NTSR1: variants seen among roughly 807,000 people sequenced by gnomAD.
The protein encoded by NTSR1 is neurotensin receptor 1.
Under a neutral mutation model 31.2 loss-of-function variants are expected in NTSR1, and 29 were observed. The observed-to-expected ratio is 0.93, with a 90% CI of 0.69 to 1.27. The LOEUF is 1.27. Ranked by LOEUF, NTSR1 falls within the 50% of genes most tolerant of loss-of-function variation. The pLI is 0.00. For missense variants in NTSR1, 697 were observed against 595.4 expected (o/e 1.17, Z -1.78); for synonymous variants, 282 against 269.9 (o/e 1.04, Z -0.44).
intron 2 of NTSR1, 57 bp downstream of exon 2, chr20:62,754,943 G>A (rs1989459314): frequency 2.0e-6 from 3 of 1,479,236 alleles, no homozygotes; most frequent in Non-Finnish European, 2.7e-6. Flanking sequence ...AGCAAAGGCA[G>A]CGAGCGCTGA....
chr20:62,710,898 G>C (rs955874071), intron 1 of NTSR1, among the ~76,000 whole-genome samples: 2 of 152,184 alleles, frequency 1.3e-5, no homozygotes, highest in African/African-American at 4.8e-5. Flanking sequence ...AAGCCAGAGG[G>C]TGAAGGATCC....
rs1233661060 is a variant in NTSR1 at position 62,744,050 on chromosome 20, C to A, written c.715-10635C>A. 6.6e-6 allele frequency among the ~76,000 whole-genome samples: 1 copy of A among 152,172 alleles called. No homozygotes were observed. The highest frequency in any genetic ancestry group is 1.9e-4 in the East Asian group (1 of 5,184). The stretch of plus-strand genomic sequence containing the variant: ...ATCTAACCTTTCACTCCACCTCCGT[C>A]CTCCCCATCAAAATTACACATGCGA... On this transcript the variant is annotated intron_variant, in intron 1 of 3. Transcript: ENST00000370501. The surrounding 1 kb of genome is among the most constrained non-coding windows in gnomAD (Gnocchi z 4.1).
rs1259362174 is a variant in NTSR1 at position 62,708,860 on chromosome 20, G to T, written c.-348G>T. ...CACAAGCTCGCCCCGCGCAGCCCGA[G>T]CCGGGCTGGGCGCTGTCCTCGGGGG... On this transcript the variant is annotated 5_prime_UTR_variant, in exon 1 of 4. Coordinates refer to ENST00000370501, the MANE Select transcript of NTSR1 (RefSeq NM_002531.3). The surrounding 1 kb of genome is among the most constrained non-coding windows in gnomAD (Gnocchi z 5.9). The T allele has an allele frequency of 7.8e-6, 2 of 254,920 alleles. No individual in the cohort carries two copies. Among genetic ancestry groups the T allele is most frequent in the Non-Finnish European group, 1.5e-5 (2 of 135,584 alleles). The allele number at this position is 254,920 out of a possible 1,614,324, so 15.8% of individuals were successfully genotyped here.
chr20:62,710,547 G>C (rs1432876886), intron 1 of NTSR1, among the ~76,000 whole-genome samples: 1 of 152,222 alleles, frequency 6.6e-6, no homozygotes, highest in East Asian at 1.9e-4. Context: ...TTGCGGGATG[G>C]TGGGGACGAT....
intron 3 of NTSR1, among the ~76,000 whole-genome samples, chr20:62,759,129 A>G (rs1230754776): frequency 6.6e-6 from 1 of 152,196 alleles, no homozygotes; most frequent in Non-Finnish European, 1.5e-5. Context: ...ATCCCAGAAT[A>G]AAAGGTTCCT....
chr20:62,729,893 G>A (rs1007980860), intron 1 of NTSR1, among the ~76,000 whole-genome samples: 2 of 152,106 alleles, frequency 1.3e-5, no homozygotes, highest in African/African-American at 4.8e-5. Context: ...AAAGTGCTGG[G>A]ATGACAGGCC....
rs561283174 is a variant in NTSR1 at position 62,758,093 on chromosome 20, G to C, written c.917-173G>C. Among the ~76,000 whole-genome samples the C allele has an allele frequency of 4.7e-4, 69 of 147,364 alleles. 3 individuals are homozygous for C. Among genetic ancestry groups the C allele is most frequent in the African/African-American group, 1.7e-3 (65 of 39,304 alleles). On this transcript the variant is annotated intron_variant, in intron 2 of 3. Coordinates refer to ENST00000370501, the MANE Select transcript of NTSR1 (RefSeq NM_002531.3). The surrounding 1 kb of genome is among the most constrained non-coding windows in gnomAD (Gnocchi z 4.5). ...TGCCTCAGGTGCAGTGGGTCTCTGA[G>C]CCCATGTCTCTGTGCCTCAGGTGCA...
At chr20:62,721,516 G>T (rs1210330789) in intron 1 of NTSR1, among the ~76,000 whole-genome samples, 1 of 152,210 alleles carries the variant, frequency 6.6e-6, no homozygotes, top group Non-Finnish European at 1.5e-5. Context: ...GTCTGTCCGT[G>T]GTGGTTCCAA....
rs1440206007 is a variant in NTSR1 at position 62,711,586 on chromosome 20, C to A, written c.714+1665C>A. On this transcript the variant is annotated intron_variant, in intron 1 of 3. Transcript: ENST00000370501. This position sits in a 1 kb window ranked among gnomAD's most constrained non-coding sequence, Gnocchi z 6.4. ...AGACCCCCGATCCCCCCGCTCAGATCCCCGATCCCCCCGCTCAGAACCCCG... is the reference window on the plus strand; with the variant it reads ...AGACCCCCGATCCCCCCGCTCAGATACCCGATCCCCCCGCTCAGAACCCCG... Among the ~76,000 whole-genome samples, 7 of 129,722 alleles carry A rather than the reference C, an allele frequency of 5.4e-5. No individual in the cohort carries two copies. Among genetic ancestry groups the A allele is most frequent in the Admixed American group, 4.9e-4 (6 of 12,280 alleles). The allele number at this position is 129,722 out of a possible 152,430, so 85.1% of individuals were successfully genotyped here.
intron 2 of NTSR1, among the ~76,000 whole-genome samples, chr20:62,756,331 G>A (rs1168885879): frequency 7.9e-5 from 12 of 152,226 alleles, no homozygotes; most frequent in Non-Finnish European, 1.5e-5. Flanking sequence ...CCCTGTGGTG[G>A]GAGGTGCTTG....
In NTSR1 at chr20:62,760,770, C is replaced by CCGTG. The variant is rs1989607836; in HGVS notation, c.*504_*505insGTGC. 1 of 153,914 alleles carries CCGTG rather than the reference C, an allele frequency of 6.5e-6. No homozygotes were observed. The highest frequency in any genetic ancestry group is 2.4e-5 in the African/African-American group (1 of 41,448). 9.5% of individuals were successfully genotyped at this position (153,914 alleles called of 1,614,324 possible). A position where few individuals can be genotyped will look rare whatever the true frequency, so the allele number is the denominator to read the frequency against. On this transcript the variant is annotated 3_prime_UTR_variant, in exon 4 of 4. Transcript: ENST00000370501. ...CTTTGGGCCTCACGTGCAGACCCTG[C>CCGTG]CATGCAGACCCATGCCCCCCTCCCC...
rs1168572890 is a variant in NTSR1 at position 62,709,392 on chromosome 20, C to G, written c.185C>G (p.Ser62Cys). 2 of 1,609,290 alleles carry G rather than the reference C, an allele frequency of 1.2e-6. No homozygotes were observed. The highest frequency in any genetic ancestry group is 2.2e-5 in the East Asian group (1 of 44,746). Residue 62 changes from serine to cysteine, a missense_variant, in exon 1 of 4, where the codon TCC (serine) becomes TGC (cysteine). Transcript: ENST00000370501. ...CTGGACGTGAACACCGACATCTACT[C>G]CAAGGTGCTGGTGACCGCCGTGTAC... ...SELDVNTDIY[S>C]KVLVTAVYLA...
rs541689258 is a variant in NTSR1, at chr20:62,746,909, T to C, written c.715-7776T>C. On this transcript the variant is annotated intron_variant, in intron 1 of 3. Transcript: ENST00000370501. ...TGAAGAGGAAGGAACACTTTCTAAC[T>C]CATCTTACAAGGTCAGCATTACCCT... is the stretch of plus-strand genomic sequence containing the variant. Among the ~76,000 whole-genome samples, 25 of 152,310 alleles carry C rather than the reference T, an allele frequency of 1.6e-4. No homozygotes were observed. In the South Asian group the frequency reaches 4.3e-3, roughly 26 times the overall value.
At chr20:62,710,022 G>C in intron 1 of NTSR1, 101 bp downstream of exon 1, 1 of 1,024,022 alleles carries the variant, frequency 9.8e-7, no homozygotes. Context: ...ATGTCACAGA[G>C]ACAGTCTACT....
At chr20:62,747,047 G>A (rs1271887729) in intron 1 of NTSR1, among the ~76,000 whole-genome samples, 1 of 152,220 alleles carries the variant, frequency 6.6e-6, no homozygotes, top group African/African-American at 2.4e-5. Context: ...TCCACCATGA[G>A]CAGGTGGGAT....
In NTSR1 at chr20:62,743,795, TCTCGAA is replaced by T. The variant is rs1309303594; in HGVS notation, c.715-10889_715-10884del. ...GGCAGAATACAAAACAAGCAATTGCTCTCGAAGAGCGAGGTGAGAACGCCCTGCCTG... is the reference window on the plus strand; with the variant it reads ...GGCAGAATACAAAACAAGCAATTGCTGAGCGAGGTGAGAACGCCCTGCCTG... On this transcript the variant is annotated intron_variant, in intron 1 of 3. Coordinates refer to ENST00000370501, the MANE Select transcript of NTSR1 (RefSeq NM_002531.3). The surrounding 1 kb of genome is among the most constrained non-coding windows in gnomAD (Gnocchi z 7.5). Among the ~76,000 whole-genome samples the T allele has an allele frequency of 6.8e-4, 103 of 152,264 alleles. 1 individual carries two copies. Among genetic ancestry groups the T allele is most frequent in the African/African-American group, 1.6e-3 (66 of 41,546 alleles).
At chr20:62,739,859 G>A (rs987023718) in intron 1 of NTSR1, among the ~76,000 whole-genome samples, 5 of 152,270 alleles carry the variant, frequency 3.3e-5, no homozygotes, top group Non-Finnish European at 7.3e-5. Flanking sequence ...CAGGCCGGCG[G>A]GGTGCGGGAC....
Position 62,742,940 on chromosome 20 carries a change from AC to A in NTSR1, c.715-11742del, listed in dbSNP as rs1055324903. On this transcript the variant is annotated intron_variant, in intron 1 of 3. Coordinates refer to ENST00000370501, the MANE Select transcript of NTSR1 (RefSeq NM_002531.3). The surrounding 1 kb of genome is among the most constrained non-coding windows in gnomAD (Gnocchi z 7.1). ...TCCCAGGGCACCTGTCACGGGACAT[AC>A]CCACAGCACAGGCAAGTGGAACGTT... Among the ~76,000 whole-genome samples, 10 of 149,268 alleles carry A rather than the reference AC, an allele frequency of 6.7e-5. No individual in the cohort carries two copies. Among genetic ancestry groups the A allele is most frequent in the African/African-American group, 2.5e-4 (10 of 39,846 alleles).
At chr20:62,713,317 C>T (rs1988653239) in intron 1 of NTSR1, among the ~76,000 whole-genome samples, 2 of 152,228 alleles carry the variant, frequency 1.3e-5, no homozygotes, top group African/African-American at 4.8e-5. Flanking sequence ...TGCTCCCTCC[C>T]AGGGGCAGAC....
Sources: gnomAD v4.1 joint callset for allele counts (sites outside exome capture counted in the v4.1 genomes callset) on GRCh38, gnomAD v4.1.1 for gene constraint, Gnocchi (gnomAD v3.1) non-coding constraint, MANE v1.5 for transcripts, NCBI Gene and HGNC (gene_info 2026-07-23, HGNC 2026-07-21) for gene names.